CRIM1: variants seen among roughly 807,000 people sequenced by gnomAD.
The protein encoded by CRIM1 is cysteine-rich motor neuron 1 protein.
Under a neutral mutation model 116.4 loss-of-function variants are expected in CRIM1, and 32 were observed. The observed-to-expected ratio is 0.27, with a 90% confidence interval of 0.21 to 0.37. The LOEUF is 0.37. Ranked by LOEUF, CRIM1 falls within the 10% of genes least tolerant of loss-of-function variation. CRIM1 has a pLI of 1.00. For missense variants in CRIM1, 1,331 were observed against 1,354.8 expected (o/e 0.98, Z 0.28); for synonymous variants, 590 against 509.2 (o/e 1.16, Z -2.13).
intron 7 of CRIM1, among the ~76,000 whole-genome samples, chr2:36,497,710 T>TG (rs1203651675): frequency 6.6e-6 from 1 of 152,254 alleles, no homozygotes; most frequent in African/African-American, 2.4e-5. Flanking sequence ...TATACTCACT[T>TG]GATACATATT....
intron 4 of CRIM1, among the ~76,000 whole-genome samples, chr2:36,458,592 G>A (rs965528917): frequency 4.6e-5 from 7 of 152,078 alleles, no homozygotes; most frequent in African/African-American, 1.4e-4. Flanking sequence ...ATGCCCCCAC[G>A]AAAAACAAAA....
intron 5 of CRIM1, among the ~76,000 whole-genome samples, chr2:36,467,824 T>A (rs530746114): frequency 1.3e-5 from 2 of 152,334 alleles, no homozygotes; most frequent in African/African-American, 4.8e-5. Flanking sequence ...TGTTCTTATT[T>A]TCAAAGAGGA....
chr2:36,394,024 T>TG (rs1371289408), intron 1 of CRIM1, among the ~76,000 whole-genome samples: 1 of 152,170 alleles, frequency 6.6e-6, no homozygotes, highest in Non-Finnish European at 1.5e-5. Flanking sequence ...AAGAGAATAG[T>TG]GGCAGGGAGC....
intron 7 of CRIM1, among the ~76,000 whole-genome samples, chr2:36,490,577 G>A (rs1236260099): frequency 2.0e-5 from 3 of 152,136 alleles, no homozygotes; most frequent in African/African-American, 4.8e-5. Context: ...GCTGAGACCC[G>A]GTTACTGTTA....
intron 2 of CRIM1, among the ~76,000 whole-genome samples, chr2:36,435,051 C>G (rs961175617): frequency 2.6e-5 from 4 of 152,140 alleles, no homozygotes; most frequent in Non-Finnish European, 5.9e-5. Context: ...TCTGTCTTCT[C>G]CAGAATTGTA....
rs1679030575 is a variant in CRIM1, at chr2:36,476,990, A to G, written c.1093A>G (p.Ile365Val). Residue 365 changes from isoleucine (I) to valine (V), a missense_variant, in exon 6 of 17, where the codon ATC becomes GTC. Coordinates refer to ENST00000280527, the MANE Select transcript of CRIM1 (RefSeq NM_016441.3). ...CTGTCGATGCCAAGGGGGCGTTGCC[A>G]TCTGCTTCACCGCCCAGTGTGGTGA... The part of the protein sequence containing the change: ...RFCRCQGGVA[I>V]CFTAQCGEIN... 1.9e-6 allele frequency: 3 copies of G among 1,614,158 alleles called. No individual in the cohort carries two copies. Among genetic ancestry groups the G allele is most frequent in the Non-Finnish European group, 2.5e-6 (3 of 1,179,968 alleles).
Position 36,536,672 on chromosome 2 carries a change from A to G in CRIM1, c.2429-680A>G, listed in dbSNP as rs766221214. Among the ~76,000 whole-genome samples the G allele has an allele frequency of 2.0e-5, 3 of 152,082 alleles. 1 individual carries two copies. Among genetic ancestry groups the G allele is most frequent in the Non-Finnish European group, 4.4e-5 (3 of 68,030 alleles). The stretch of plus-strand genomic sequence containing the variant: ...CCCAGAGAAAGGAACCTTCAAGGAG[A>G]AGCTTGGAAGAGGGAGGAAATGAGT... On this transcript the variant is annotated intron_variant, in intron 13 of 16. Transcript: ENST00000280527.
intron 4 of CRIM1, among the ~76,000 whole-genome samples, chr2:36,460,929 G>A (rs1419757393): frequency 6.6e-6 from 1 of 152,196 alleles, no homozygotes; most frequent in African/African-American, 2.4e-5. Context: ...TGAGGAATGT[G>A]CAGAGGCCAT....
At chr2:36,479,806 C>A in intron 7 of CRIM1, 112 bp downstream of exon 7, 1 of 1,052,182 alleles carries the variant, frequency 9.5e-7, no homozygotes, top group Non-Finnish European at 1.4e-6. Context: ...CTGCTTCACG[C>A]TGTTACCAGT....
chr2:36,415,908 A>T (rs1445267361), intron 2 of CRIM1, among the ~76,000 whole-genome samples: 2 of 152,186 alleles, frequency 1.3e-5, no homozygotes, highest in Non-Finnish European at 2.9e-5. Context: ...CTGATGATTT[A>T]AAAAAATAAT....
At chr2:36,505,206 G>A (rs1681306330) in intron 8 of CRIM1, among the ~76,000 whole-genome samples, 1 of 152,152 alleles carries the variant, frequency 6.6e-6, no homozygotes, top group Non-Finnish European at 1.5e-5. Flanking sequence ...ATCCTGAACT[G>A]ATAATAGGTT....
chr2:36,372,045 AATATGTGAGTGCCAAGTGCAGTGTGG>A (rs1669978266), intron 1 of CRIM1, among the ~76,000 whole-genome samples: 1 of 152,206 alleles, frequency 6.6e-6, no homozygotes, highest in Non-Finnish European at 1.5e-5. Flanking sequence ...CTGAATGTTC[AATATGTGAGTGCCAAGTGCAGTGTGG>A]TGCAACCTGT....
At position 36,476,996 on chromosome 2, in the gene CRIM1, T is replaced by G. The variant is rs1259335162; in HGVS notation, c.1099T>G (p.Phe367Val). The G allele has an allele frequency of 6.2e-7, 1 of 1,614,112 alleles. No individual in the cohort carries two copies. The highest frequency in any genetic ancestry group is 8.5e-7 in the Non-Finnish European group (1 of 1,179,936). ...CRCQGGVAIC[F>V]TAQCGEINCE... ...ATGCCAAGGGGGCGTTGCCATCTGC[T>G]TCACCGCCCAGTGTGGTGAGATAAA... is the stretch of plus-strand genomic sequence containing the variant. Residue 367 changes from phenylalanine (F) to valine (V), a missense_variant, in exon 6 of 17, where the codon TTC becomes GTC. By Grantham distance (50) the Phe-to-Val change is conservative (BLOSUM62 -1). This residue lies in a region of CRIM1 where 690 missense variants were observed against 676.0 expected (regional missense o/e 1.02). Transcript: ENST00000280527.
intron 12 of CRIM1, among the ~76,000 whole-genome samples, chr2:36,518,801 C>A (rs766481318): frequency 1.3e-5 from 2 of 152,196 alleles, no homozygotes; most frequent in East Asian, 3.8e-4. Flanking sequence ...ACTTTACTTA[C>A]ATCACCTTGG....
At chr2:36,456,451 A>C (rs1218753878) in intron 4 of CRIM1, among the ~76,000 whole-genome samples, 3 of 152,190 alleles carry the variant, frequency 2.0e-5, no homozygotes, top group Admixed American at 2.0e-4. Context: ...TTCCCAGCCC[A>C]GTTCTCCTTT....
intron 1 of CRIM1, among the ~76,000 whole-genome samples, chr2:36,373,870 G>A (rs1670116397): frequency 6.6e-6 from 1 of 152,142 alleles, no homozygotes; most frequent in African/African-American, 2.4e-5. Context: ...TTCTGTAATA[G>A]GAGTATGTTT....
At chr2:36,541,463 G>C (rs79688789) in intron 14 of CRIM1, among the ~76,000 whole-genome samples, 2,014 of 152,204 alleles carry the variant, frequency 0.013, 22 homozygotes, top group Non-Finnish European at 0.021. Context: ...AAGGTAAGAG[G>C]GTTATCCGAA....
intron 1 of CRIM1, among the ~76,000 whole-genome samples, chr2:36,358,303 T>A (rs952446946): frequency 6.6e-6 from 1 of 152,210 alleles, no homozygotes; most frequent in African/African-American, 2.4e-5. Flanking sequence ...AAAAGATGCA[T>A]CTTTGAACCC....
chr2:36,415,273 A>C (rs1309603825), intron 2 of CRIM1, among the ~76,000 whole-genome samples: 3 of 152,104 alleles, frequency 2.0e-5, no homozygotes, highest in African/African-American at 7.2e-5. Context: ...AGAAACTGAG[A>C]GTATACTGGA....
Sources: allele counts gnomAD v4.1 joint callset (sites outside exome capture counted in the v4.1 genomes callset), GRCh38; gene constraint gnomAD v4.1.1; regional missense constraint gnomAD v4.1.1; transcripts MANE v1.5; gene names NCBI Gene and HGNC (gene_info 2026-07-23, HGNC 2026-07-21).